SNX7: variants seen among roughly 807,000 people sequenced by gnomAD.
SNX7 encodes the protein sorting nexin 7.
A neutral mutation model predicts 48.4 loss-of-function variants in SNX7; 35 were observed. The ratio of observed to expected loss-of-function variants is 0.72; its 90% CI spans 0.55 to 0.96. The LOEUF is 0.96. Ranked by LOEUF, SNX7 falls within the 40% of genes least tolerant of loss-of-function variation. The pLI is 0.00. For synonymous variants in SNX7, 190 were observed against 190.2 expected (o/e 1.00, Z 0.01); for missense variants, 553 against 548.9 (o/e 1.01, Z -0.07).
At chr1:98,749,311 A>G (rs1461218581) in intron 8 of SNX7, among the ~76,000 whole-genome samples, 5 of 152,130 alleles carry the variant, frequency 3.3e-5, no homozygotes, top group South Asian at 4.1e-4. Flanking sequence ...GAATAATGCT[A>G]CAGAATAATA....
chr1:98,756,352 C>T (rs540148593), intron 8 of SNX7, among the ~76,000 whole-genome samples: 3 of 145,352 alleles, frequency 2.1e-5, no homozygotes, highest in African/African-American at 7.6e-5. Context: ...CATATGTACT[C>T]ATGTCGTTAC....
At chr1:98,694,852 C>G (rs1290971100) in intron 4 of SNX7, among the ~76,000 whole-genome samples, 1 of 151,736 alleles carries the variant, frequency 6.6e-6, no homozygotes, top group African/African-American at 2.4e-5. Context: ...TCATGTATGC[C>G]CTCCTCGGCC....
At chr1:98,679,209 C>G (rs1442270890) in intron 1 of SNX7, among the ~76,000 whole-genome samples, 1 of 152,172 alleles carries the variant, frequency 6.6e-6, no homozygotes, top group Admixed American at 6.6e-5. Context: ...GGCAAAAGAG[C>G]TTGTGCAGGG....
intron 7 of SNX7, among the ~76,000 whole-genome samples, chr1:98,703,186 A>G (rs1651839913): frequency 6.6e-6 from 1 of 152,046 alleles, no homozygotes; most frequent in Admixed American, 6.6e-5. Context: ...ATATGTAGTG[A>G]AGGAATGAGT....
chr1:98,752,643 C>T (rs1654644966), intron 8 of SNX7, among the ~76,000 whole-genome samples: 1 of 151,990 alleles, frequency 6.6e-6, no homozygotes, highest in Non-Finnish European at 1.5e-5. Flanking sequence ...TTTCTGATGG[C>T]CAGCATCTTA....
chr1:98,691,463 G>C (rs1209155840), intron 3 of SNX7, 72 bp from the exon 4 acceptor site: 2 of 1,270,102 alleles, frequency 1.6e-6, no homozygotes, highest in African/African-American at 3.1e-5. Flanking sequence ...TTCCAAACAG[G>C]GAAAGCGTAG....
Position 98,760,166 on chromosome 1 carries a change from C to A in SNX7, c.*35C>A. 1.4e-6 allele frequency: 2 copies of A among 1,467,882 alleles called. No individual in the cohort carries two copies. The highest frequency in any genetic ancestry group is 1.9e-6 in the Non-Finnish European group (2 of 1,048,016). The allele number at this position is 1,467,882 out of a possible 1,614,324, so 90.9% of individuals were successfully genotyped here. A position where few individuals can be genotyped will look rare whatever the true frequency, so the allele number is the denominator to read the frequency against. ...GGACTTCTGTTTGATCTTTGGGAGACAGCATTTATTAACCAAAGTTATTCT... is the reference window on the plus strand; with the variant it reads ...GGACTTCTGTTTGATCTTTGGGAGAAAGCATTTATTAACCAAAGTTATTCT... On this transcript the variant is annotated 3_prime_UTR_variant, in exon 9 of 9. Transcript: ENST00000306121.
At chr1:98,756,761 CAGTG>C (rs750536387) in intron 8 of SNX7, among the ~76,000 whole-genome samples, 2 of 152,004 alleles carry the variant, frequency 1.3e-5, no homozygotes, top group Non-Finnish European at 2.9e-5. Context: ...CCTTTTAACT[CAGTG>C]AGTCAGCCAG....
chr1:98,741,465 G>T (rs1467714943), intron 8 of SNX7, among the ~76,000 whole-genome samples: 1 of 152,104 alleles, frequency 6.6e-6, no homozygotes, highest in Non-Finnish European at 1.5e-5. Flanking sequence ...TATTGGGAGA[G>T]AGTTGATTCT....
At chr1:98,661,664 C>T (rs1649219069), upstream of SNX7, 2 of 1,172,826 alleles carry the variant, frequency 1.7e-6, no homozygotes, top group African/African-American at 1.6e-5. Flanking sequence ...ACGTGGGAGC[C>T]AATGGGCACG....
rs972441209 is a variant in SNX7 at position 98,661,784 on chromosome 1, G to T, written c.53G>T (p.Gly18Val). 1 of 1,243,558 alleles carries T rather than the reference G, an allele frequency of 8.0e-7. No individual in the cohort carries two copies. Among genetic ancestry groups the T allele is most frequent in the Non-Finnish European group, 1.0e-6 (1 of 986,668 alleles). 77.0% of individuals were successfully genotyped at this position (1,243,558 alleles called of 1,614,324 possible). The change falls in exon 1 of 9, where the codon GGG becomes GTG. Residue 18 changes from glycine to valine, a missense_variant. Coordinates refer to ENST00000306121, the MANE Select transcript of SNX7 (RefSeq NM_015976.5). ...SQAPSSGLPAGGANGESPGGG... is the reference protein window; with the variant it reads ...SQAPSSGLPAVGANGESPGGG... The stretch of plus-strand genomic sequence containing the variant: ...GCGCCCTCCTCGGGCCTCCCGGCCG[G>T]GGGCGCCAACGGGGAGAGCCCGGGG...
At chr1:98,754,410 A>G (rs572091950) in intron 8 of SNX7, among the ~76,000 whole-genome samples, 3 of 152,178 alleles carry the variant, frequency 2.0e-5, no homozygotes, top group South Asian at 4.1e-4. Flanking sequence ...TGGAATTAGT[A>G]TGATTTCTTC....
intron 2 of SNX7, among the ~76,000 whole-genome samples, chr1:98,690,111 TG>T (rs1232873266): frequency 1.3e-5 from 2 of 152,156 alleles, no homozygotes; most frequent in South Asian, 4.1e-4. Context: ...TGTGTACATC[TG>T]TGTGGGTGAT....
At chr1:98,715,259 TTTAAC>T (rs1400377494) in intron 7 of SNX7, among the ~76,000 whole-genome samples, 2 of 152,302 alleles carry the variant, frequency 1.3e-5, no homozygotes, top group African/African-American at 2.4e-5. Flanking sequence ...TGCCTCCTAT[TTTAAC>T]TTGTTTCATA....
chr1:98,708,783 A>G (rs1045055678), intron 7 of SNX7, among the ~76,000 whole-genome samples: 8 of 152,152 alleles, frequency 5.3e-5, no homozygotes, highest in Admixed American at 4.6e-4. Context: ...GTGTTCTCCT[A>G]TTTATATAAA....
At chr1:98,669,003 A>T (rs72967800) in intron 1 of SNX7, among the ~76,000 whole-genome samples, 3,739 of 152,272 alleles carry the variant, frequency 0.025, 166 homozygotes, top group African/African-American at 0.086. Context: ...ACTAAATTTA[A>T]CTGTAAGAGC....
In SNX7 at chr1:98,724,810, C is replaced by A. The variant is rs144832717; in HGVS notation, c.1126-13427C>A. Among the ~76,000 whole-genome samples, 124 of 152,276 alleles carry A rather than the reference C, an allele frequency of 8.1e-4. 1 individual carries two copies. The highest frequency in any genetic ancestry group is 6.8e-3 in the Middle Eastern group (2 of 294). On this transcript the variant is annotated intron_variant, in intron 7 of 8. Transcript: ENST00000306121. The stretch of plus-strand genomic sequence containing the variant: ...GACTGGATATTTTCTGCCATTCTGG[C>A]AGCTATTCCTAGAGAAACAGACTGT...
intron 2 of SNX7, among the ~76,000 whole-genome samples, chr1:98,685,474 A>C (rs1650742352): frequency 6.6e-6 from 1 of 152,152 alleles, no homozygotes. Context: ...TTTGTTTTTC[A>C]AAGTGGGACA....
At chr1:98,735,919 T>C (rs578257367) in intron 7 of SNX7, among the ~76,000 whole-genome samples, 12 of 152,258 alleles carry the variant, frequency 7.9e-5, no homozygotes, top group African/African-American at 2.9e-4. Context: ...ACAGTCCTTC[T>C]TTCTGCAGGT....
Sources: gnomAD v4.1 joint callset for allele counts (sites outside exome capture counted in the v4.1 genomes callset) on GRCh38, gnomAD v4.1.1 for gene constraint, MANE v1.5 for transcripts, NCBI Gene and HGNC (gene_info 2026-07-23, HGNC 2026-07-21) for gene names.